VEGFA: variants seen among roughly 807,000 people sequenced by gnomAD.
VEGFA encodes vascular endothelial growth factor A, also known as vascular endothelial growth factor A, long form.
In VEGFA, 20 loss-of-function variants were observed where a neutral mutation model predicts 49.7. The ratio of observed to expected loss-of-function variants is 0.40; its 90% CI spans 0.28 to 0.58. The LOEUF is 0.58. Among genes scored for constraint, VEGFA ranks in the 20% least tolerant of loss-of-function variants. The pLI, the probability that VEGFA is intolerant of heterozygous loss-of-function variation, is 0.40. For synonymous variants in VEGFA, 219 were observed against 223.4 expected, an observed-to-expected ratio of 0.98 and a Z score of 0.18; for missense variants, 505 against 553.5, an observed-to-expected ratio of 0.91 and a Z score of 0.88.
Position 43,779,641 on chromosome 6 carries a change from G to A in VEGFA, c.962+723G>A, listed in dbSNP as rs3025049. 8.1e-3 allele frequency: 3,714 copies of A among 461,138 alleles called. 20 individuals carry two copies. The highest frequency in any genetic ancestry group is 0.013 in the Non-Finnish European group (2,875 of 229,418). The allele number at this position is 461,138 out of a possible 1,614,324, so 28.6% of individuals were successfully genotyped here. On this transcript the variant is annotated intron_variant, in intron 5 of 7. Transcript: ENST00000672860. Reference sequence around the variant, plus strand: ...CACCATCTTGTCTGCCTCCAGTGCTGTGCGGACATTGAAGCCCCCACCAGG... The same window carrying A: ...CACCATCTTGTCTGCCTCCAGTGCTATGCGGACATTGAAGCCCCCACCAGG...
intron 5 of VEGFA, chr6:43,779,148 A>G (rs988090957): frequency 2.1e-5 from 13 of 617,044 alleles, no homozygotes; most frequent in Admixed American, 8.7e-5. Flanking sequence ...GGAAGGGACA[A>G]TGCCTTCTGG....
At position 43,777,957 on chromosome 6, in the gene VEGFA, A is replaced by C; in HGVS notation, c.855+292A>C. The C allele has an allele frequency of 4.0e-6, 2 of 500,528 alleles. No individual in the cohort carries two copies. The highest frequency in any genetic ancestry group is 4.8e-5 in the South Asian group (2 of 42,058). The allele number at this position is 500,528 out of a possible 1,614,324, so 31.0% of individuals were successfully genotyped here. On this transcript the variant is annotated intron_variant, in intron 3 of 7. Coordinates refer to ENST00000672860, the MANE Select transcript of VEGFA (RefSeq NM_003376.6). The surrounding 1 kb of genome is among the most constrained non-coding windows in gnomAD (Gnocchi z 4.3). ...GCCCCTCTCTCCCTCTCTTGGAGAG[A>C]GTCCTGAGTGCCCCCCCTTCTTGGG... is the stretch of plus-strand genomic sequence containing the variant.
intron 5 of VEGFA, 80 bp from the exon 6 acceptor site, chr6:43,780,652 C>A (rs950638756): frequency 6.4e-7 from 1 of 1,571,052 alleles, no homozygotes; most frequent in South Asian, 1.1e-5. Context: ...GTCGTTCCCC[C>A]ATCCCTGCCC....
intron 2 of VEGFA, 160 bp downstream of exon 2, chr6:43,774,552 G>T: frequency 1.2e-6 from 1 of 821,738 alleles, no homozygotes; most frequent in Non-Finnish European, 2.0e-6. Context: ...TTCACCCTCA[G>T]TTTCGTGAGG....
chr6:43,784,016 C>A (rs1458105305), intron 7 of VEGFA: 1 of 202,210 alleles, frequency 4.9e-6, no homozygotes, highest in Admixed American at 5.3e-5. Flanking sequence ...AGCCTCCTGT[C>A]CCCAGGGCAG....
chr6:43,771,588 GC>G (rs1193247075), intron 1 of VEGFA, among the ~76,000 whole-genome samples: 1 of 152,204 alleles, frequency 6.6e-6, no homozygotes, highest in African/African-American at 2.4e-5. Flanking sequence ...GAGGGCGGGA[GC>G]CGGAGGAGGA....
At position 43,771,256 on chromosome 6, in the gene VEGFA, C is replaced by A; in HGVS notation, c.550C>A (p.Leu184Met). The change falls in exon 1 of 8, where the codon CTG becomes ATG. Residue 184 changes from leucine to methionine, a missense_variant. Around this residue, in one of 2 missense-constraint regions of VEGFA, gnomAD observed 340 missense variants for 321.8 expected, o/e 1.06. Coordinates refer to ENST00000672860, the MANE Select transcript of VEGFA (RefSeq NM_003376.6). ...TCGGGCCTCCGAAACCATGAACTTT[C>A]TGCTGTCTTGGGTGCATTGGAGCCT... The A allele has an allele frequency of 6.2e-7, 1 of 1,607,590 alleles. No homozygotes were observed. The highest frequency in any genetic ancestry group is 8.5e-7 in the Non-Finnish European group (1 of 1,177,696).
rs897471876 is a variant in VEGFA, at chr6:43,770,898, C to G, written c.192C>G (p.Phe64Leu). 2 of 1,544,686 alleles carry G rather than the reference C, an allele frequency of 1.3e-6. No individual in the cohort carries two copies. Among genetic ancestry groups the G allele is most frequent in the Non-Finnish European group, 8.7e-7 (1 of 1,145,482 alleles). The change falls in exon 1 of 8, where the codon TTC (phenylalanine) becomes TTG (leucine). Residue 64 changes from phenylalanine (F) to leucine (L), a missense_variant. Phe to Leu is a conservative substitution (Grantham distance 22). This residue lies in a region of VEGFA where 340 missense variants were observed against 321.8 expected (regional missense o/e 1.06). Transcript: ENST00000672860. ...TCCAACTTCTGGGCTGTTCTCGCTT[C>G]GGAGGAGCCGTGGTCCGCGCGGGGG... is the stretch of plus-strand genomic sequence containing the variant.
chr6:43,779,013 C>T (rs1403240982), intron 5 of VEGFA, 95 bp downstream of exon 5: 9 of 1,538,146 alleles, frequency 5.9e-6, no homozygotes, highest in Non-Finnish European at 8.1e-6. Flanking sequence ...CCCATAGCCT[C>T]CCTGGGTCAG....
At chr6:43,772,910 C>T (rs1272352349) in intron 1 of VEGFA, among the ~76,000 whole-genome samples, 3 of 152,130 alleles carry the variant, frequency 2.0e-5, no homozygotes, top group Non-Finnish European at 1.5e-5. Flanking sequence ...GACACCTGGC[C>T]CCTGCCTGCC....
In VEGFA at chr6:43,770,617, AG is replaced by A. The variant is rs1393554937; in HGVS notation, c.-86del. Reference sequence around the variant, plus strand: ...CGGGCGTGCGAGCAGCGAAAGCGACAGGGGCAAAGTGAGTGACCTGCTTTTG... The same window carrying A: ...CGGGCGTGCGAGCAGCGAAAGCGACAGGGCAAAGTGAGTGACCTGCTTTTG... On this transcript the variant is annotated 5_prime_UTR_variant, in exon 1 of 8. Transcript: ENST00000672860. The A allele has an allele frequency of 2.1e-6, 3 of 1,453,160 alleles. No homozygotes were observed. The highest frequency in any genetic ancestry group is 2.7e-6 in the Non-Finnish European group (3 of 1,111,548). 90.0% of individuals were successfully genotyped at this position (1,453,160 alleles called of 1,614,324 possible). A position where few individuals can be genotyped will look rare whatever the true frequency, so the allele number is the denominator to read the frequency against.
In VEGFA at chr6:43,785,555, C is replaced by T. The variant is rs571724503; in HGVS notation, c.*993C>T. Reference sequence around the variant, plus strand: ...CATGACAGCTCCCCTTCCTGGGACTCGCCCTCATCCTCTTCCTGCTCCCCT... The same window carrying T: ...CATGACAGCTCCCCTTCCTGGGACTTGCCCTCATCCTCTTCCTGCTCCCCT... On this transcript the variant is annotated 3_prime_UTR_variant, in exon 8 of 8. Coordinates refer to ENST00000672860, the MANE Select transcript of VEGFA (RefSeq NM_003376.6). 167 of 210,632 alleles carry T rather than the reference C, an allele frequency of 7.9e-4. 1 individual carries two copies. Among genetic ancestry groups the T allele is most frequent in the Middle Eastern group, 1.6e-3 (1 of 636 alleles). The allele number at this position is 210,632 out of a possible 1,614,324, so 13.0% of individuals were successfully genotyped here.
intron 5 of VEGFA, chr6:43,779,573 A>G (rs1766656255): frequency 2.5e-6 from 1 of 393,814 alleles, no homozygotes; most frequent in Non-Finnish European, 5.2e-6. Flanking sequence ...TTGCAGGGAA[A>G]GAGAGACTGA....
In VEGFA at chr6:43,771,108, C is replaced by G. The variant is rs1200025261; in HGVS notation, c.402C>G (p.Arg134=). Residue 134 remains arginine (R), a synonymous_variant, in exon 1 of 8, where the codon CGC becomes CGG. Coordinates refer to ENST00000672860, the MANE Select transcript of VEGFA (RefSeq NM_003376.6). The stretch of plus-strand genomic sequence containing the variant: ...GCGCAGACAGTGCTCCAGCCGCGCG[C>G]GCTCCCCAGGCCCTGGCCCGGGCCT... The G allele has an allele frequency of 6.8e-7, 1 of 1,464,086 alleles. No homozygotes were observed. Among genetic ancestry groups the G allele is most frequent in the Non-Finnish European group, 9.0e-7 (1 of 1,113,060 alleles). The allele number at this position is 1,464,086 out of a possible 1,614,324, so 90.7% of individuals were successfully genotyped here.
intron 7 of VEGFA, chr6:43,783,131 C>G (rs1768442629): frequency 6.6e-6 from 1 of 152,320 alleles, no homozygotes; most frequent in South Asian, 2.1e-4. Context: ...AGGGTCGGGA[C>G]AGGTGGCTGG....
rs1201834176 is a variant in VEGFA, at chr6:43,774,356, C to A, written c.622C>A (p.Pro208Thr). The A allele has an allele frequency of 6.2e-7, 1 of 1,614,186 alleles. No individual in the cohort carries two copies. Among genetic ancestry groups the A allele is most frequent in the South Asian group, 1.1e-5 (1 of 91,080 alleles). Residue 208 changes from proline to threonine, a missense_variant, in exon 2 of 8, where the codon CCC (proline) becomes ACC (threonine). Transcript: ENST00000672860. Reference sequence around the variant, plus strand: ...CTGTCCTCAGTGGTCCCAGGCTGCACCCATGGCAGAAGGAGGAGGGCAGAA... The same window carrying A: ...CTGTCCTCAGTGGTCCCAGGCTGCAACCATGGCAGAAGGAGGAGGGCAGAA...
intron 1 of VEGFA, chr6:43,774,083 C>T (rs1164995536): frequency 3.5e-6 from 2 of 572,526 alleles, no homozygotes; most frequent in Non-Finnish European, 3.1e-6. Context: ...GGTTTTCCTC[C>T]TGCATTTCGA....
In VEGFA at chr6:43,785,721, CAG is replaced by C. The variant is rs1769346537; in HGVS notation, c.*1165_*1166del. On this transcript the variant is annotated 3_prime_UTR_variant, in exon 8 of 8. Coordinates refer to ENST00000672860, the MANE Select transcript of VEGFA (RefSeq NM_003376.6). ...GTCCTTCCCTTCCCTTCCCGAGGCA[CAG>C]AGAGACAGGGCAGGATCCACGTGCC... 2 of 193,322 alleles carry C rather than the reference CAG, an allele frequency of 1.0e-5. No homozygotes were observed. The highest frequency in any genetic ancestry group is 1.9e-4 in the South Asian group (1 of 5,190). The allele number at this position is 193,322 out of a possible 1,614,324, so 12.0% of individuals were successfully genotyped here. A position where few individuals can be genotyped will look rare whatever the true frequency, so the allele number is the denominator to read the frequency against.
rs192307353 is a variant in VEGFA at position 43,777,938 on chromosome 6, C to T, written c.855+273C>T. ...ATGGATGCCTGTGTCAGGAGCCCCT[C>T]TCTCCCTCTCTTGGAGAGAGTCCTG... On this transcript the variant is annotated intron_variant, in intron 3 of 7. Transcript: ENST00000672860. The surrounding 1 kb of genome is among the most constrained non-coding windows in gnomAD (Gnocchi z 4.3). 1.9e-6 allele frequency: 1 copy of T among 536,052 alleles called. No homozygotes were observed. The highest frequency in any genetic ancestry group is 2.2e-5 in the South Asian group (1 of 45,824). 33.2% of individuals were successfully genotyped at this position (536,052 alleles called of 1,614,324 possible).
Sources: gnomAD v4.1 joint callset for allele counts (sites outside exome capture counted in the v4.1 genomes callset) on GRCh38, gnomAD v4.1.1 for gene constraint, gnomAD v4.1.1 regional missense constraint, Gnocchi (gnomAD v3.1) non-coding constraint, MANE v1.5 for transcripts, NCBI Gene and HGNC (gene_info 2026-07-23, HGNC 2026-07-21) for gene names.